Variants in PID1 observed in about 807,000 individuals in gnomAD.
PID1 encodes the protein PTB-containing, cubilin and LRP1-interacting protein.
Under a neutral mutation model 19.1 loss-of-function variants are expected in PID1, and 10 were observed. The ratio of observed to expected loss-of-function variants is 0.52; its 90% confidence interval spans 0.32 to 0.89. The LOEUF is 0.89. Among genes scored for constraint, PID1 ranks in the 40% least tolerant of loss-of-function variants. PID1 has a pLI of 0.03. For missense variants in PID1, 248 were observed against 285.3 expected (o/e 0.87, Z 0.94); for synonymous variants, 130 against 116.0 (o/e 1.12, Z -0.78).
At chr2:229,265,123 G>A (rs974611752) in intron 1 of PID1, among the ~76,000 whole-genome samples, 12 of 152,202 alleles carry the variant, frequency 7.9e-5, no homozygotes, top group African/African-American at 2.9e-4. Context: ...TAAAGAGACA[G>A]ATATGCTTTT....
At chr2:229,110,206 T>C (rs2765936) in intron 2 of PID1, among the ~76,000 whole-genome samples, 138,774 of 152,254 alleles carry the variant, frequency 0.91, 63,481 homozygotes, top group Admixed American at 0.95. Flanking sequence ...TTTCCTATGA[T>C]ATGTGCCATG....
chr2:229,158,427 T>A (rs1273360805), intron 1 of PID1, among the ~76,000 whole-genome samples: 1 of 152,220 alleles, frequency 6.6e-6, no homozygotes, highest in East Asian at 1.9e-4. Flanking sequence ...ATTATATACT[T>A]GCTTTGTTTA....
intron 2 of PID1, among the ~76,000 whole-genome samples, chr2:229,139,947 C>T (rs962306575): frequency 3.9e-5 from 6 of 152,058 alleles, no homozygotes; most frequent in Non-Finnish European, 7.4e-5. Context: ...GGATTTTGAT[C>T]TTGATCAGGA....
At chr2:229,187,916 CTCA>C (rs1691170417) in intron 1 of PID1, among the ~76,000 whole-genome samples, 1 of 152,150 alleles carries the variant, frequency 6.6e-6, no homozygotes, top group Non-Finnish European at 1.5e-5. Context: ...TGGCTTTAGC[CTCA>C]TCATCCGCTG....
chr2:229,173,754 C>T (rs1447291831), intron 1 of PID1, among the ~76,000 whole-genome samples: 3 of 152,204 alleles, frequency 2.0e-5, no homozygotes. Context: ...CTCCCCACTT[C>T]GGTGTGCCCT....
intron 2 of PID1, among the ~76,000 whole-genome samples, chr2:229,068,547 G>A (rs1694380246): frequency 6.6e-6 from 1 of 152,188 alleles, no homozygotes. Flanking sequence ...CATTTTGTCA[G>A]TTACAGGTAT....
In PID1 at chr2:229,190,043, A is replaced by T. The variant is rs377620247; in HGVS notation, c.31-34079T>A. Among the ~76,000 whole-genome samples, 33 of 152,264 alleles carry T rather than the reference A, an allele frequency of 2.2e-4. No individual in the cohort carries two copies. In the South Asian group the frequency reaches 5.6e-3, roughly 26 times the overall value. On this transcript the variant is annotated intron_variant, in intron 1 of 2. Coordinates refer to ENST00000392055, the MANE Select transcript of PID1 (RefSeq NM_001100818.2). The stretch of plus-strand genomic sequence containing the variant: ...ACTTATCTTCCTTTTAAGCTGAGTG[A>T]TTACTGACTCCAGGCTCAGAGCCCT...
intron 1 of PID1, among the ~76,000 whole-genome samples, chr2:229,211,201 A>C (rs1393921936): frequency 1.3e-5 from 2 of 152,172 alleles, no homozygotes; most frequent in African/African-American, 4.8e-5. Context: ...TTGAGCACAA[A>C]TCAGAGTGGA....
intron 1 of PID1, among the ~76,000 whole-genome samples, chr2:229,176,621 T>C (rs1690829414): frequency 6.6e-6 from 1 of 152,242 alleles, no homozygotes. Context: ...TCTGTTGCCA[T>C]TAATATTGTT....
intron 1 of PID1, among the ~76,000 whole-genome samples, chr2:229,247,756 G>T (rs2106281275): frequency 6.6e-6 from 1 of 152,264 alleles, no homozygotes; most frequent in African/African-American, 2.4e-5. Flanking sequence ...AAAACAACTA[G>T]AAGTGACATT....
At chr2:229,078,951 T>A (rs1475881620) in intron 2 of PID1, among the ~76,000 whole-genome samples, 1 of 152,228 alleles carries the variant, frequency 6.6e-6, no homozygotes, top group Non-Finnish European at 1.5e-5. Context: ...GAAGTAAGTG[T>A]AGGTTAGATA....
intron 2 of PID1, among the ~76,000 whole-genome samples, chr2:229,053,225 T>C (rs947370195): frequency 1.2e-4 from 18 of 152,192 alleles, no homozygotes; most frequent in Non-Finnish European, 2.1e-4. Flanking sequence ...GACTGGACAT[T>C]TCTCATACAA....
chr2:229,026,319 A>T (rs1693422123), intron 2 of PID1, among the ~76,000 whole-genome samples: 1 of 152,224 alleles, frequency 6.6e-6, no homozygotes, highest in South Asian at 2.1e-4. Flanking sequence ...AAATTATTTG[A>T]ATAGAGTTGG....
intron 2 of PID1, among the ~76,000 whole-genome samples, chr2:229,101,079 A>G (rs913034547): frequency 6.6e-6 from 1 of 152,224 alleles, no homozygotes; most frequent in Non-Finnish European, 1.5e-5. Context: ...CCTCCTCCCT[A>G]CAATGGAAAC....
rs371395028 is a variant in PID1 at position 229,213,506 on chromosome 2, T to C, written c.30+57508A>G. Among the ~76,000 whole-genome samples the C allele has an allele frequency of 3.9e-5, 6 of 152,316 alleles. No individual in the cohort carries two copies. In the South Asian group the frequency reaches 6.2e-4, roughly 16 times the overall value. On this transcript the variant is annotated intron_variant, in intron 1 of 2. Transcript: ENST00000392055. ...TTCAGAAAGCTAGAACAAGCATTGATTCGGGGAAGGGTAGTTTCCATATTC... is the reference window on the plus strand; with the variant it reads ...TTCAGAAAGCTAGAACAAGCATTGACTCGGGGAAGGGTAGTTTCCATATTC...
At chr2:229,138,462 TG>T (rs1256841736) in intron 2 of PID1, among the ~76,000 whole-genome samples, 1 of 152,064 alleles carries the variant, frequency 6.6e-6, no homozygotes, top group African/African-American at 2.4e-5. Context: ...CCATTTGACT[TG>T]GGTGATCACT....
chr2:229,092,278 A>C (rs1450914512), intron 2 of PID1, among the ~76,000 whole-genome samples: 1 of 152,194 alleles, frequency 6.6e-6, no homozygotes, highest in Admixed American at 6.5e-5. Context: ...AAGACATCGC[A>C]GCATGACTGT....
intron 1 of PID1, among the ~76,000 whole-genome samples, chr2:229,219,842 T>C (rs1044569553): frequency 6.6e-6 from 1 of 152,042 alleles, no homozygotes; most frequent in East Asian, 1.9e-4. Flanking sequence ...ATTTTTATTT[T>C]TTTTTTGTCA....
In PID1 at chr2:229,068,947, C is replaced by CCT. The variant is rs140885298; in HGVS notation, c.178-42841_178-42840dup. 7.9e-5 allele frequency among the ~76,000 whole-genome samples: 12 copies of CCT among 151,544 alleles called. 1 individual carries two copies. The South Asian group carries it at 2.3e-3, about 29-fold the overall frequency. On this transcript the variant is annotated intron_variant, in intron 2 of 2. Coordinates refer to ENST00000392055, the MANE Select transcript of PID1 (RefSeq NM_001100818.2). Reference sequence around the variant, plus strand: ...GGTGCAGGCAGTCCTTTGCCCAATCCCTCTCTCTCTCTCAGAGTGCCTACA... The same window carrying CCT: ...GGTGCAGGCAGTCCTTTGCCCAATCCCTCTCTCTCTCTCTCAGAGTGCCTACA...
Sources: allele counts gnomAD v4.1 joint callset (sites outside exome capture counted in the v4.1 genomes callset), GRCh38; gene constraint gnomAD v4.1.1; transcripts MANE v1.5; gene names NCBI Gene and HGNC (gene_info 2026-07-23, HGNC 2026-07-21).